Variants in ZNF335 observed in about 807,000 individuals in gnomAD.
The protein encoded by ZNF335 is NRC-interacting factor 1.
Under a neutral mutation model 145.6 loss-of-function variants are expected in ZNF335, and 84 were observed. That is an observed-to-expected ratio of 0.58 (90% CI 0.48 to 0.69). The LOEUF (loss-of-function observed/expected upper bound fraction) is 0.69, where lower values mean the gene tolerates loss of function less well. Ranked by LOEUF, ZNF335 falls within the 30% of genes least tolerant of loss-of-function variation. The probability of loss-of-function intolerance (pLI) is 0.00; values close to 1 mark genes in which losing one functional copy is unlikely to be tolerated. For missense variants in ZNF335, 1,865 were observed against 1,809.7 expected, an observed-to-expected ratio of 1.03 and a Z score of -0.55; for synonymous variants, 761 against 717.0, an observed-to-expected ratio of 1.06 and a Z score of -0.98.
chr20:45,969,740 G>A (rs943250366), intron 2 of ZNF335, 49 bp from the exon 3 acceptor site: 20 of 1,589,504 alleles, frequency 1.3e-5, no homozygotes, highest in Admixed American at 1.7e-5. Flanking sequence ...CTGGGTATGG[G>A]GCAGGGCAGC....
chr20:45,963,450 C>G, intron 9 of ZNF335, 23 bp downstream of exon 9: 1 of 1,602,052 alleles, frequency 6.2e-7, no homozygotes. Context: ...CCCATGAGCC[C>G]CAAGCCTCTT....
chr20:45,957,240 T>C (rs1335809710), intron 17 of ZNF335, among the ~76,000 whole-genome samples: 1 of 152,134 alleles, frequency 6.6e-6, no homozygotes, highest in Non-Finnish European at 1.5e-5. Context: ...ATGGAAAAGC[T>C]AGTTCAAGCT....
At chr20:45,949,688 C>T in intron 24 of ZNF335, 112 bp downstream of exon 24, 1 of 1,462,118 alleles carries the variant, frequency 6.8e-7, no homozygotes, top group Admixed American at 1.8e-5. Flanking sequence ...CAGTTGTTGG[C>T]AAGCATGGAC....
intron 2 of ZNF335, chr20:45,969,896 T>A (rs1257127865): frequency 1.7e-6 from 1 of 572,030 alleles, no homozygotes; most frequent in Non-Finnish European, 3.0e-6. Context: ...GGTCCCTGGA[T>A]CTCATCAGGG....
chr20:45,949,770 T>G (rs2083593854), intron 24 of ZNF335, 30 bp downstream of exon 24: 1 of 1,612,960 alleles, frequency 6.2e-7, no homozygotes, highest in Non-Finnish European at 8.5e-7. Context: ...AGGTCACAGC[T>G]GAGGGGATTA....
At position 45,971,261 on chromosome 20, in the gene ZNF335, C is replaced by T; in HGVS notation, c.150G>A (p.Glu50=). ...TTTGCCCCACGCCAGAGTCATCGGC[C>T]TCTGCCTGCCCCGGGGCGGCCGCGG... ...SDAAAAPGQA[E]ADDSGVGQSS... The change falls in exon 2 of 28, where the codon GAG becomes GAA. Residue 50 remains glutamate (E), a synonymous_variant. Coordinates refer to ENST00000322927, the MANE Select transcript of ZNF335 (RefSeq NM_022095.4). 4.5e-6 allele frequency: 7 copies of T among 1,564,246 alleles called. No individual in the cohort carries two copies. Among genetic ancestry groups the T allele is most frequent in the Non-Finnish European group, 5.2e-6 (6 of 1,160,066 alleles).
At chr20:45,965,072 A>ATAATAAT (rs571770957) in intron 7 of ZNF335, among the ~76,000 whole-genome samples, 3 of 135,628 alleles carry the variant, frequency 2.2e-5, no homozygotes, top group Non-Finnish European at 3.3e-5. Flanking sequence ...ATAATAATAC[A>ATAATAAT]ACAACTCTCC....
rs2083652908 is a variant in ZNF335 at position 45,952,527 on chromosome 20, G to C, written c.2815-6C>G. ...ATGGAGCCATCTGCGGTGAGCTGTA[G>C]AGAGACAGGGAGCATGAGGTACTGA... On this transcript the variant is annotated splice_region_variant and splice_polypyrimidine_tract_variant and intron_variant, in intron 19 of 27. Coordinates refer to ENST00000322927, the MANE Select transcript of ZNF335 (RefSeq NM_022095.4). The C allele has an allele frequency of 1.9e-6, 3 of 1,596,520 alleles. No homozygotes were observed. The highest frequency in any genetic ancestry group is 8.6e-7 in the Non-Finnish European group (1 of 1,169,234).
Position 45,949,263 on chromosome 20 carries a change from A to G in ZNF335, c.3820-12T>C, listed in dbSNP as rs753066883. On this transcript the variant is annotated splice_polypyrimidine_tract_variant and intron_variant, in intron 26 of 27. Transcript: ENST00000322927. ...GGCACATACTGGATCTGGAGGGGAGAAGCTGATAAGATGCTGGCCTGGAGA... is the reference window on the plus strand; with the variant it reads ...GGCACATACTGGATCTGGAGGGGAGGAGCTGATAAGATGCTGGCCTGGAGA... The G allele has an allele frequency of 6.2e-7, 1 of 1,613,746 alleles. No individual in the cohort carries two copies. Among genetic ancestry groups the G allele is most frequent in the South Asian group, 1.1e-5 (1 of 91,072 alleles).
Position 45,965,736 on chromosome 20 carries a change from C to A in ZNF335, c.994G>T (p.Gly332Cys). The A allele has an allele frequency of 6.2e-7, 1 of 1,606,186 alleles. No homozygotes were observed. The highest frequency in any genetic ancestry group is 2.3e-5 in the East Asian group (1 of 43,614). The change falls in exon 7 of 28, where the codon GGC becomes TGC. Residue 332 changes from glycine to cysteine, a missense_variant. Physicochemically the swap from Gly to Cys is radical, Grantham distance 159. Coordinates refer to ENST00000322927, the MANE Select transcript of ZNF335 (RefSeq NM_022095.4). Reference sequence around the variant, plus strand: ...GGGCGCTGGAGCCGAAGCTGCCGGCCTCGGGGCTCATCCTCAGCTGGATTA... The same window carrying A: ...GGGCGCTGGAGCCGAAGCTGCCGGCATCGGGGCTCATCCTCAGCTGGATTA... ...DYNPAEDEPR[G>C]RQLRLQRPTP...
chr20:45,962,873 G>C (rs1423368512), intron 9 of ZNF335, among the ~76,000 whole-genome samples: 1 of 142,080 alleles, frequency 7.0e-6, no homozygotes, highest in Non-Finnish European at 1.5e-5. Context: ...GAGTGCAATG[G>C]TGTGATCTTG....
chr20:45,956,926 G>C (rs2083738823), intron 17 of ZNF335, among the ~76,000 whole-genome samples: 1 of 152,172 alleles, frequency 6.6e-6, no homozygotes, highest in African/African-American at 2.4e-5. Flanking sequence ...ATCTAAAAAT[G>C]TAAAACTTCT....
In ZNF335 at chr20:45,972,185, C is replaced by T; in HGVS notation, c.-114G>A. The T allele has an allele frequency of 7.8e-7, 1 of 1,289,540 alleles. No individual in the cohort carries two copies. Among genetic ancestry groups the T allele is most frequent in the Non-Finnish European group, 1.0e-6 (1 of 988,648 alleles). 79.9% of individuals were successfully genotyped at this position (1,289,540 alleles called of 1,614,324 possible). On this transcript the variant is annotated 5_prime_UTR_variant, in exon 1 of 28. Coordinates refer to ENST00000322927, the MANE Select transcript of ZNF335 (RefSeq NM_022095.4). ...ATCGACGAGGTCGCCATCCTCTTTC[C>T]TCCGCTGCGGAGGAACCCATCGGCC...
At position 45,972,188 on chromosome 20, in the gene ZNF335, C is replaced by T; in HGVS notation, c.-117G>A. Reference sequence around the variant, plus strand: ...GACGAGGTCGCCATCCTCTTTCCTCCGCTGCGGAGGAACCCATCGGCCTAT... The same window carrying T: ...GACGAGGTCGCCATCCTCTTTCCTCTGCTGCGGAGGAACCCATCGGCCTAT... On this transcript the variant is annotated 5_prime_UTR_variant, in exon 1 of 28. Coordinates refer to ENST00000322927, the MANE Select transcript of ZNF335 (RefSeq NM_022095.4). 1.6e-6 allele frequency: 2 copies of T among 1,289,650 alleles called. No homozygotes were observed. Among genetic ancestry groups the T allele is most frequent in the Non-Finnish European group, 2.0e-6 (2 of 988,740 alleles). The allele number at this position is 1,289,650 out of a possible 1,614,324, so 79.9% of individuals were successfully genotyped here.
chr20:45,968,468 C>CA (rs2084001984), intron 3 of ZNF335, 106 bp from the exon 4 acceptor site: 1 of 1,030,998 alleles, frequency 9.7e-7, no homozygotes, highest in Non-Finnish European at 1.5e-6. Flanking sequence ...GGTCCACACT[C>CA]ATTCTGGCTC....
chr20:45,949,860 G>C lies in ZNF335; in HGVS notation c.3609C>G (p.Ile1203Met), dbSNP rs1423678854. Residue 1203 changes from isoleucine (I) to methionine (M), a missense_variant, in exon 24 of 28, where the codon ATC becomes ATG. Ile to Met is a conservative substitution (Grantham distance 10). Transcript: ENST00000322927. ...GGCCATCTGCCGTGGTGATCTCTTGGATGTAGGCGGCTTCCTCCTGCCAGG... is the reference window on the plus strand; with the variant it reads ...GGCCATCTGCCGTGGTGATCTCTTGCATGTAGGCGGCTTCCTCCTGCCAGG... ...TVTNQEEAAY[I>M]QEITTADGQT... 1.2e-6 allele frequency: 2 copies of C among 1,614,006 alleles called. No homozygotes were observed.
intron 14 of ZNF335, 46 bp downstream of exon 14, chr20:45,960,162 G>A: frequency 6.2e-7 from 1 of 1,606,544 alleles, no homozygotes; most frequent in Non-Finnish European, 8.5e-7. Flanking sequence ...CAGGGGTACA[G>A]GGCACTGAGG....
Position 45,963,535 on chromosome 20 carries a change from C to G in ZNF335, c.1471G>C (p.Asp491His), listed in dbSNP as rs754669594. Residue 491 changes from aspartate (D) to histidine (H), a missense_variant, in exon 9 of 28, where the codon GAT (aspartate) becomes CAT (histidine). By Grantham distance (81) the Asp-to-His change is moderately conservative. Transcript: ENST00000322927. The part of the protein sequence containing the change: ...RFHVNSHEAG[D>H]PQLFKCLQCS... ...TGCAGGCACTTGAAGAGCTGGGGAT[C>G]GCCAGCCTCATGGGAGTTGACGTGG... 1.9e-6 allele frequency: 3 copies of G among 1,614,178 alleles called. No individual in the cohort carries two copies. Among genetic ancestry groups the G allele is most frequent in the Admixed American group, 1.7e-5 (1 of 60,022 alleles).
rs1322964565 is a variant in ZNF335, at chr20:45,949,360, T to G, written c.3792A>C (p.Gln1264His). Residue 1264 changes from glutamine to histidine, a missense_variant, in exon 26 of 28, where the codon CAA becomes CAC. By Grantham distance (24) the Gln-to-His change is conservative. Coordinates refer to ENST00000322927, the MANE Select transcript of ZNF335 (RefSeq NM_022095.4). ...GGGACTCCTGAAGGAACGGGGCTCC[T>G]TGTTCATACTGGATGTGTGTGATCT... The part of the protein sequence containing the change: ...EGQITHIQYE[Q>H]GAPFLQESQI... The G allele has an allele frequency of 3.7e-6, 6 of 1,614,120 alleles. 1 individual carries two copies. The South Asian group carries it at 6.6e-5, about 18-fold the overall frequency.
Sources: allele counts gnomAD v4.1 joint callset (sites outside exome capture counted in the v4.1 genomes callset), GRCh38; gene constraint gnomAD v4.1.1; transcripts MANE v1.5; gene names NCBI Gene and HGNC (gene_info 2026-07-23, HGNC 2026-07-21).